PCDHA7: variants seen among roughly 807,000 people sequenced by gnomAD.
The protein encoded by PCDHA7 is protocadherin alpha 7.
In PCDHA7, 37 loss-of-function variants were observed where a neutral mutation model predicts 57.2. That is an observed-to-expected ratio of 0.65 (90% CI 0.50 to 0.85). The LOEUF (loss-of-function observed/expected upper bound fraction) is 0.85, where lower values mean the gene tolerates loss of function less well. Ranked by LOEUF, PCDHA7 falls within the 40% of genes least tolerant of loss-of-function variation. The probability of loss-of-function intolerance (pLI) is 0.00; values close to 1 mark genes in which losing one functional copy is unlikely to be tolerated. For synonymous variants in PCDHA7, 553 were observed against 558.8 expected (o/e 0.99, Z 0.15); for missense variants, 1,188 against 1,241.8 (o/e 0.96, Z 0.65).
In PCDHA7 at chr5:140,834,444, C is replaced by G; in HGVS notation, c.61C>G (p.Leu21Val). The G allele has an allele frequency of 6.2e-7, 1 of 1,614,020 alleles. No individual in the cohort carries two copies. The highest frequency in any genetic ancestry group is 8.5e-7 in the Non-Finnish European group (1 of 1,179,952). ...GRHLLLFIII[L>V]AAWEAGRGQL... is the part of the protein sequence containing the mutation. ...ACATCTACTGCTGTTTATTATAATT[C>G]TAGCAGCTTGGGAGGCAGGGAGAGG... is the stretch of plus-strand genomic sequence containing the variant. The change falls in exon 1 of 4, where the codon CTA becomes GTA. Residue 21 changes from leucine to valine, a missense_variant. Coordinates refer to ENST00000525929, the MANE Select transcript of PCDHA7 (RefSeq NM_018910.3).
chr5:140,899,931 C>G (rs1163496997), intron 1 of PCDHA7, among the ~76,000 whole-genome samples: 1 of 152,112 alleles, frequency 6.6e-6, no homozygotes, highest in African/African-American at 2.4e-5. Context: ...CCTCAGCCTC[C>G]TGAATAGCTG....
intron 1 of PCDHA7, chr5:140,870,744 C>T (rs1432638683): frequency 6.2e-7 from 1 of 1,613,474 alleles, no homozygotes; most frequent in Non-Finnish European, 8.5e-7. Context: ...TGAGCAGCAA[C>T]GTGACGCTGC....
In PCDHA7 at chr5:140,849,693, A is replaced by C. The variant is rs2150445321; in HGVS notation, c.2355+12955A>C. 85 of 1,598,584 alleles carry C rather than the reference A, an allele frequency of 5.3e-5. 3 individuals are homozygous for C. The East Asian group carries it at 1.1e-3, about 21-fold the overall frequency. On this transcript the variant is annotated intron_variant, in intron 1 of 3. Coordinates refer to ENST00000525929, the MANE Select transcript of PCDHA7 (RefSeq NM_018910.3). ...CCACGTCCCCTTCAAGCTGGTGTCC[A>C]CCTACAAGAATTACTACTCGTTGGT...
At chr5:140,964,658 G>T (rs2095846855) in intron 1 of PCDHA7, among the ~76,000 whole-genome samples, 1 of 151,968 alleles carries the variant, frequency 6.6e-6, no homozygotes, top group Admixed American at 6.6e-5. Context: ...AATGGGTGAG[G>T]ACACAGGCCA....
chr5:140,856,374 T>C, intron 1 of PCDHA7: 3 of 1,598,376 alleles, frequency 1.9e-6, no homozygotes, highest in Non-Finnish European at 2.6e-6. Flanking sequence ...GAGGTGATCG[T>C]GGACAGGCCG....
Position 140,858,344 on chromosome 5 carries a change from G to A in PCDHA7, c.2355+21606G>A, listed in dbSNP as rs371621182. 1.0e-5 allele frequency: 16 copies of A among 1,595,144 alleles called. No homozygotes were observed. In the East Asian group the frequency reaches 3.6e-4, roughly 36 times the overall value. On this transcript the variant is annotated intron_variant, in intron 1 of 3. Coordinates refer to ENST00000525929, the MANE Select transcript of PCDHA7 (RefSeq NM_018910.3). Reference sequence around the variant, plus strand: ...TTCTGGGGAGGGCCTGCCCAAGGCGGACCTCATGGCCTTCAGCCCCAGCCT... The same window carrying A: ...TTCTGGGGAGGGCCTGCCCAAGGCGAACCTCATGGCCTTCAGCCCCAGCCT...
intron 1 of PCDHA7, chr5:140,842,218 G>C (rs1554138887): frequency 2.5e-6 from 4 of 1,613,154 alleles, no homozygotes; most frequent in Admixed American, 1.7e-5. Context: ...ATCGAAATAC[G>C]GGAGAAATAG....
rs990142871 is a variant in PCDHA7, at chr5:140,854,493, T to G, written c.2355+17755T>G. 2.7e-5 allele frequency: 4 copies of G among 149,954 alleles called. No homozygotes were observed. The Admixed American group carries it at 2.7e-4, about 10-fold the overall frequency. The allele number at this position is 149,954 out of a possible 1,614,324, so 9.3% of individuals were successfully genotyped here. On this transcript the variant is annotated intron_variant, in intron 1 of 3. Transcript: ENST00000525929. ...AGAGAAGTATAGAAACAGAATTTAG[T>G]AGGACACATAAACTGATGGATTAAG...
At chr5:140,866,021 G>A (rs2049106478) in intron 1 of PCDHA7, 1 of 152,210 alleles carries the variant, frequency 6.6e-6, no homozygotes, top group Middle Eastern at 3.4e-3. Flanking sequence ...TTTCTTGTAA[G>A]AGTTCGTGAT....
chr5:141,011,325 A>G lies in PCDHA7; in HGVS notation c.*1388A>G, dbSNP rs533115888. 1 of 153,778 alleles carries G rather than the reference A, an allele frequency of 6.5e-6. No individual in the cohort carries two copies. Among genetic ancestry groups the G allele is most frequent in the African/African-American group, 2.4e-5 (1 of 41,456 alleles). 9.5% of individuals were successfully genotyped at this position (153,778 alleles called of 1,614,324 possible). On this transcript the variant is annotated 3_prime_UTR_variant, in exon 4 of 4. Transcript: ENST00000525929. ...TGAATTGCTAATCTTACTAACACCTATGATGTTACCTGAAATCAATCTCCC... is the reference window on the plus strand; with the variant it reads ...TGAATTGCTAATCTTACTAACACCTGTGATGTTACCTGAAATCAATCTCCC...
At chr5:140,852,926 T>A in intron 1 of PCDHA7, 3 of 649,848 alleles carry the variant, frequency 4.6e-6, no homozygotes, top group Non-Finnish European at 5.9e-6. Flanking sequence ...TTGCCCAGGC[T>A]GGAGTGCAGT....
At chr5:140,958,652 G>A (rs991773774) in intron 1 of PCDHA7, among the ~76,000 whole-genome samples, 15 of 152,030 alleles carry the variant, frequency 9.9e-5, no homozygotes, top group Admixed American at 2.6e-4. Flanking sequence ...ATCACAGAAA[G>A]CTATGATGAA....
intron 1 of PCDHA7, among the ~76,000 whole-genome samples, chr5:140,844,638 T>C (rs1352233987): frequency 8.0e-5 from 12 of 149,752 alleles, no homozygotes; most frequent in African/African-American, 2.7e-4. Flanking sequence ...CTATACATGA[T>C]AATTTCATTC....
At chr5:140,948,563 A>AT (rs1400147953) in intron 1 of PCDHA7, among the ~76,000 whole-genome samples, 1 of 151,546 alleles carries the variant, frequency 6.6e-6, no homozygotes, top group African/African-American at 2.4e-5. Flanking sequence ...GTTAAGTTGT[A>AT]TTTTTTAAAG....
intron 1 of PCDHA7, among the ~76,000 whole-genome samples, chr5:140,886,962 G>A (rs1017446014): frequency 6.6e-6 from 1 of 151,842 alleles, no homozygotes; most frequent in African/African-American, 2.4e-5. Context: ...ATTTAGCAAC[G>A]AAATTTATTA....
chr5:140,945,709 G>T (rs1033770128), intron 1 of PCDHA7, among the ~76,000 whole-genome samples: 1 of 151,930 alleles, frequency 6.6e-6, no homozygotes. Flanking sequence ...TGCAACAAAA[G>T]TATCAAGAAT....
intron 1 of PCDHA7, among the ~76,000 whole-genome samples, chr5:140,972,279 A>G (rs568636203): frequency 3.3e-5 from 5 of 150,992 alleles, no homozygotes; most frequent in South Asian, 4.2e-4. Context: ...AGCTTGGACC[A>G]TAGATGTGCG....
In PCDHA7 at chr5:140,841,811, G is replaced by A. The variant is rs2150323241; in HGVS notation, c.2355+5073G>A. The A allele has an allele frequency of 3.1e-6, 5 of 1,613,790 alleles. No individual in the cohort carries two copies. In the African/African-American group the frequency reaches 6.7e-5, roughly 22 times the overall value. On this transcript the variant is annotated intron_variant, in intron 1 of 3. Coordinates refer to ENST00000525929, the MANE Select transcript of PCDHA7 (RefSeq NM_018910.3). The stretch of plus-strand genomic sequence containing the variant: ...GGGCGCGTCCGATGCAGATGTTGGA[G>A]CTAACTCCGTGTTAACCTACAGGCT...
chr5:140,940,825 G>A (rs782539336), intron 1 of PCDHA7, among the ~76,000 whole-genome samples: 53 of 152,232 alleles, frequency 3.5e-4, no homozygotes, highest in South Asian at 6.2e-4. Context: ...ATCTTGGATG[G>A]AAATACCTTT....
Sources: gnomAD v4.1 joint callset for allele counts (sites outside exome capture counted in the v4.1 genomes callset) on GRCh38, gnomAD v4.1.1 for gene constraint, MANE v1.5 for transcripts, NCBI Gene and HGNC (gene_info 2026-07-23, HGNC 2026-07-21) for gene names.